The following SLC7A10 variants were observed in gnomAD, a reference collection of about 807,000 sequenced individuals.
The protein encoded by SLC7A10 is asc-type amino acid transporter 1.
A neutral mutation model predicts 52.7 loss-of-function variants in SLC7A10; 30 were observed. The observed-to-expected ratio is 0.57, with a 90% CI of 0.43 to 0.77. SLC7A10 has a LOEUF of 0.77. Ranked by LOEUF, SLC7A10 falls within the 30% of genes least tolerant of loss-of-function variation. The probability of loss-of-function intolerance (pLI) is 0.00; values close to 1 mark genes in which losing one functional copy is unlikely to be tolerated. For synonymous variants in SLC7A10, 318 were observed against 314.9 expected (o/e 1.01, Z -0.10); for missense variants, 581 against 698.5 (o/e 0.83, Z 1.90).
At chr19:33,218,074 G>C (rs949175332) in intron 1 of SLC7A10, among the ~76,000 whole-genome samples, 8 of 152,186 alleles carry the variant, frequency 5.3e-5, no homozygotes, top group African/African-American at 1.9e-4. Context: ...AAGCCAGGGA[G>C]GTTGGAAGCC....
chr19:33,225,381 C>A (rs1974899539), intron 1 of SLC7A10, among the ~76,000 whole-genome samples, 172 bp downstream of exon 1: 1 of 152,222 alleles, frequency 6.6e-6, no homozygotes, highest in Admixed American at 6.5e-5. Context: ...GCTTTGGCAC[C>A]CTGGGCCAGC....
In SLC7A10 at chr19:33,217,476, C is replaced by T. The variant is rs149129229; in HGVS notation, c.152-1503G>A. 4.7e-5 allele frequency among the ~76,000 whole-genome samples: 7 copies of T among 150,108 alleles called. No individual in the cohort carries two copies. The East Asian group carries it at 1.4e-3, about 30-fold the overall frequency. ...GTCTCACCATCTGTGCACATGAATC[C>T]GGTAACTTCACCAGAGATCTGCACT... On this transcript the variant is annotated intron_variant, in intron 1 of 10. Coordinates refer to ENST00000253188, the MANE Select transcript of SLC7A10 (RefSeq NM_019849.3).
At chr19:33,218,054 G>A (rs1288366962) in intron 1 of SLC7A10, among the ~76,000 whole-genome samples, 3 of 152,188 alleles carry the variant, frequency 2.0e-5, no homozygotes, top group Non-Finnish European at 4.4e-5. Flanking sequence ...GGCGGACTGG[G>A]ATTTGCCGAA....
At chr19:33,220,107 G>C (rs1320493328) in intron 1 of SLC7A10, 1 of 152,200 alleles carries the variant, frequency 6.6e-6, no homozygotes, top group African/African-American at 2.4e-5. Flanking sequence ...GTAAGCCTGT[G>C]TCAGGTACCT....
Position 33,208,665 on chromosome 19 carries a change from A to G in SLC7A10, c.*226T>C, listed in dbSNP as rs1432588287. 4.9e-6 allele frequency: 3 copies of G among 606,572 alleles called. No homozygotes were observed. The highest frequency in any genetic ancestry group is 8.6e-6 in the Non-Finnish European group (3 of 350,202). 37.6% of individuals were successfully genotyped at this position (606,572 alleles called of 1,614,324 possible). ...TCAGGGACTCCCCATAGCACGAGCGAACAGCCAGCCCTGTTTATTTATAGG... is the reference window on the plus strand; with the variant it reads ...TCAGGGACTCCCCATAGCACGAGCGGACAGCCAGCCCTGTTTATTTATAGG... On this transcript the variant is annotated 3_prime_UTR_variant, in exon 11 of 11. Coordinates refer to ENST00000253188, the MANE Select transcript of SLC7A10 (RefSeq NM_019849.3). The surrounding 1 kb of genome is among the most constrained non-coding windows in gnomAD (Gnocchi z 4.7).
chr19:33,211,782 G>T, intron 5 of SLC7A10: 1 of 612,090 alleles, frequency 1.6e-6, no homozygotes, highest in Admixed American at 3.0e-5. Context: ...CTGAGGACAG[G>T]GTCTGATGTC....
chr19:33,215,618 TTCTCTCCATCCAC>T lies in SLC7A10; in HGVS notation c.356+138_356+150del. The T allele has an allele frequency of 1.6e-4, 35 of 212,658 alleles. 1 individual carries two copies. The South Asian group carries it at 2.0e-3, about 12-fold the overall frequency. The allele number at this position is 212,658 out of a possible 1,614,324, so 13.2% of individuals were successfully genotyped here. ...CTTCTCTCCATCCAGCCCCCACACC[TTCTCTCCATCCAC>T]CCCCCACACCTTCTCTCCATCCACC... On this transcript the variant is annotated intron_variant, in intron 2 of 10. Coordinates refer to ENST00000253188, the MANE Select transcript of SLC7A10 (RefSeq NM_019849.3).
chr19:33,225,040 C>T (rs758946640), intron 1 of SLC7A10, among the ~76,000 whole-genome samples: 14 of 152,260 alleles, frequency 9.2e-5, no homozygotes, highest in Non-Finnish European at 1.9e-4. Flanking sequence ...GCAGGCTGCG[C>T]TTGCTCACTC....
rs1431696726 is a variant in SLC7A10, at chr19:33,225,626, G to T, written c.78C>A (p.Thr26=). The change falls in exon 1 of 11, where the codon ACC becomes ACA. Residue 26 remains threonine, a synonymous_variant. Coordinates refer to ENST00000253188, the MANE Select transcript of SLC7A10 (RefSeq NM_019849.3). The part of the protein sequence containing the change: ...PAPSPSPVPG[T]VPGASERVAL... ...CCACCCGCTCCGAGGCGCCGGGGAC[G>T]GTCCCTGGGACTGGGGAGGGCGAGG... The T allele has an allele frequency of 1.9e-6, 3 of 1,591,352 alleles. No individual in the cohort carries two copies. Among genetic ancestry groups the T allele is most frequent in the Non-Finnish European group, 2.5e-6 (3 of 1,177,486 alleles).
intron 10 of SLC7A10, 74 bp downstream of exon 10, chr19:33,209,234 G>T: frequency 6.3e-7 from 1 of 1,592,870 alleles, no homozygotes. Context: ...GCTCTGGGGT[G>T]AGCCTCTAAG....
intron 1 of SLC7A10, among the ~76,000 whole-genome samples, chr19:33,218,951 C>T (rs1245351831): frequency 2.0e-5 from 3 of 151,688 alleles, no homozygotes; most frequent in Non-Finnish European, 4.4e-5. Context: ...ATGAAGAAGC[C>T]CAGCCGTTGG....
At chr19:33,217,739 T>C in intron 1 of SLC7A10, 1 of 152,416 alleles carries the variant, frequency 6.6e-6, no homozygotes, top group Non-Finnish European at 1.5e-5. Flanking sequence ...ATTCACTCCT[T>C]GTCCACGGTG....
chr19:33,209,510 C>T (rs371086909), intron 9 of SLC7A10, 25 bp from the exon 10 acceptor site: 39 of 1,612,612 alleles, frequency 2.4e-5, no homozygotes, highest in African/African-American at 8.0e-5. Context: ...GCAGAAACAC[C>T]GATGGTGCAG....
intron 1 of SLC7A10, among the ~76,000 whole-genome samples, chr19:33,221,642 G>A (rs375983799): frequency 3.9e-5 from 6 of 152,198 alleles, no homozygotes; most frequent in African/African-American, 1.4e-4. Flanking sequence ...GGGAAGCCCA[G>A]CCACCTGCAG....
At chr19:33,211,986 A>G (rs1264945713) in intron 5 of SLC7A10, 2 of 514,756 alleles carry the variant, frequency 3.9e-6, no homozygotes, top group Non-Finnish European at 3.5e-6. Flanking sequence ...TAGGGACCAT[A>G]TTGTGTGTAT....
chr19:33,211,530 G>A lies in SLC7A10; in HGVS notation c.796C>T (p.Pro266Ser), dbSNP rs2145472435. 6.2e-7 allele frequency: 1 copy of A among 1,614,132 alleles called. No individual in the cohort carries two copies. The highest frequency in any genetic ancestry group is 8.5e-7 in the Non-Finnish European group (1 of 1,180,034). The change falls in exon 6 of 11, where the codon CCT (proline) becomes TCT (serine). Residue 266 changes from proline (P) to serine (S), a missense_variant. Physicochemically the swap from Pro to Ser is moderately conservative, Grantham distance 74 (BLOSUM62 -1). Transcript: ENST00000253188. The stretch of plus-strand genomic sequence containing the variant: ...GGGATGGAGATGAAGATGGCGCGAG[G>A]TAGGTTCCTGGTGACAGGCAGTGGA... ...EEMVDARKNL[P>S]RAIFISIPLV...
rs1234947774 is a variant in SLC7A10, at chr19:33,208,918, G to T, written c.1545C>A (p.Ala515=). 1.2e-6 allele frequency: 2 copies of T among 1,613,824 alleles called. No homozygotes were observed. The highest frequency in any genetic ancestry group is 8.5e-7 in the Non-Finnish European group (1 of 1,179,994). ...ATTGTGGCTTCGAGGGCTTGTCTGT[G>T]GCAGGCAGCAGGGAGGGTGGGCAGG... ...NGPCPPSLLP[A]TDKPSKPQ The change falls in exon 11 of 11, where the codon GCC becomes GCA. Residue 515 remains alanine (A), a synonymous_variant. Transcript: ENST00000253188. The surrounding 1 kb of genome is among the most constrained non-coding windows in gnomAD (Gnocchi z 4.7).
At position 33,223,326 on chromosome 19, in the gene SLC7A10, AAAG is replaced by A. The variant is rs1346249041; in HGVS notation, c.151+2224_151+2226del. On this transcript the variant is annotated intron_variant, in intron 1 of 10. Transcript: ENST00000253188. ...CTGTCTCAGAAAAAAAAAAAAAAAA[AAAG>A]AAAGAAAAAGAAAGGAAAGGAAAGG... Among the ~76,000 whole-genome samples, 7 of 131,400 alleles carry A rather than the reference AAAG, an allele frequency of 5.3e-5. 1 individual carries two copies. Among genetic ancestry groups the A allele is most frequent in the Admixed American group, 2.2e-4 (3 of 13,398 alleles). The allele number at this position is 131,400 out of a possible 152,430, so 86.2% of individuals were successfully genotyped here. A position where few individuals can be genotyped will look rare whatever the true frequency, so the allele number is the denominator to read the frequency against.
chr19:33,211,365 G>A (rs765272496), intron 6 of SLC7A10, 37 bp from the exon 7 acceptor site: 19 of 1,613,554 alleles, frequency 1.2e-5, no homozygotes, highest in South Asian at 1.1e-4. Flanking sequence ...GTGTAAGGCC[G>A]GGGCAGGGGC....
Sources: allele counts gnomAD v4.1 joint callset (sites outside exome capture counted in the v4.1 genomes callset), GRCh38; gene constraint gnomAD v4.1.1; non-coding constraint Gnocchi (gnomAD v3.1); transcripts MANE v1.5; gene names NCBI Gene and HGNC (gene_info 2026-07-23, HGNC 2026-07-21).